The following SH3YL1 variants were observed in gnomAD, a reference collection of about 807,000 sequenced individuals.
SH3YL1 encodes the protein SH3 domain-containing YSC84-like protein 1.
SH3YL1 carries 41 observed loss-of-function variants against 45.8 expected under a neutral mutation model. The observed-to-expected ratio is 0.89, with a 90% CI of 0.70 to 1.16. The LOEUF is 1.16. SH3YL1 is among the 50% of genes most tolerant of loss of function. The probability of loss-of-function intolerance (pLI) is 0.00; values close to 1 mark genes in which losing one functional copy is unlikely to be tolerated. For missense variants in SH3YL1, 389 were observed against 409.6 expected (o/e 0.95, Z 0.43); for synonymous variants, 152 against 151.4 (o/e 1.00, Z -0.03).
intron 6 of SH3YL1, among the ~76,000 whole-genome samples, chr2:231,659 G>C (rs1668050897): frequency 1.3e-5 from 2 of 151,996 alleles, no homozygotes; most frequent in African/African-American, 4.8e-5. Context: ...TTACATGCTT[G>C]GAGGTCCTGC....
chr2:219,567 C>T (rs915058345), intron 9 of SH3YL1, among the ~76,000 whole-genome samples: 6 of 152,048 alleles, frequency 3.9e-5, no homozygotes, highest in Non-Finnish European at 8.8e-5. Context: ...CCTCCAGAAG[C>T]GTGAGAAATA....
rs1003273732 is a variant in SH3YL1 at position 240,966 on chromosome 2, C to G, written c.291+6572G>C. 2.6e-5 allele frequency: 4 copies of G among 152,124 alleles called. 1 individual carries two copies. The highest frequency in any genetic ancestry group is 2.0e-4 in the Admixed American group (3 of 15,276). 9.4% of individuals were successfully genotyped at this position (152,124 alleles called of 1,614,324 possible). ...TGATACAATATAATATCTAAAATTT[C>G]TGATTCTCAACCAAAAATAATAAGA... On this transcript the variant is annotated intron_variant, in intron 4 of 9. Transcript: ENST00000356150.
chr2:219,203 A>C (rs947386154), intron 9 of SH3YL1, among the ~76,000 whole-genome samples: 1 of 152,188 alleles, frequency 6.6e-6, no homozygotes, highest in African/African-American at 2.4e-5. Flanking sequence ...GATTTAGCAC[A>C]TGCTTCTGGT....
intron 4 of SH3YL1, among the ~76,000 whole-genome samples, chr2:239,337 T>C (rs1461752109): frequency 6.6e-6 from 1 of 152,186 alleles, no homozygotes; most frequent in Non-Finnish European, 1.5e-5. Flanking sequence ...AAGGTGGTAC[T>C]CCAATCCCTT....
At chr2:237,175 T>A (rs1304481285) in intron 4 of SH3YL1, among the ~76,000 whole-genome samples, 1 of 151,954 alleles carries the variant, frequency 6.6e-6, no homozygotes, top group Non-Finnish European at 1.5e-5. Flanking sequence ...ACCCATGACC[T>A]TGTAGCTACA....
intron 9 of SH3YL1, among the ~76,000 whole-genome samples, chr2:221,943 T>C (rs574994869): frequency 6.6e-6 from 1 of 152,262 alleles, no homozygotes; most frequent in East Asian, 1.9e-4. Flanking sequence ...TTAGAGATAA[T>C]TTTCACAAGG....
intron 4 of SH3YL1, among the ~76,000 whole-genome samples, chr2:238,652 G>A (rs1353178764): frequency 6.6e-6 from 1 of 152,160 alleles, no homozygotes; most frequent in Non-Finnish European, 1.5e-5. Context: ...AGCCAAGCCA[G>A]CAGCAGGACT....
chr2:218,816 T>A lies in SH3YL1; in HGVS notation c.1024A>T (p.Asn342Tyr). Residue 342 changes from asparagine to tyrosine, a missense_variant, in exon 10 of 10, where the codon AAT becomes TAT. Asn to Tyr is a moderately radical substitution (Grantham distance 143, BLOSUM62 -2). Coordinates refer to ENST00000356150, the MANE Select transcript of SH3YL1 (RefSeq NM_015677.4). Reference protein sequence around the residue: ...GIFPANYVTMN With the variant: ...GIFPANYVTMY ...AGAAGAAAATAGTATACGCTTTAAT[T>A]CATGGTTACGTAGTTGGCTGGAAAA... The A allele has an allele frequency of 6.2e-7, 1 of 1,610,102 alleles. No individual in the cohort carries two copies. Among genetic ancestry groups the A allele is most frequent in the Non-Finnish European group, 8.5e-7 (1 of 1,177,598 alleles).
At chr2:225,301 T>C (rs888070863) in intron 8 of SH3YL1, among the ~76,000 whole-genome samples, 1 of 152,272 alleles carries the variant, frequency 6.6e-6, no homozygotes, top group Non-Finnish European at 1.5e-5. Flanking sequence ...CATTTCACAC[T>C]GGATTCCCGT....
intron 1 of SH3YL1, chr2:259,447 T>TC (rs1558255467): frequency 6.6e-6 from 1 of 152,144 alleles, no homozygotes; most frequent in Non-Finnish European, 1.5e-5. Context: ...TGCTTTTTTT[T>TC]CTGTTTTTTC....
intron 9 of SH3YL1, among the ~76,000 whole-genome samples, chr2:223,135 C>T (rs879450425): frequency 4.6e-5 from 7 of 152,252 alleles, no homozygotes; most frequent in African/African-American, 1.7e-4. Flanking sequence ...ACAGAAGCAA[C>T]GGAGAAACCA....
At chr2:230,153 C>T in intron 7 of SH3YL1, 109 bp from the exon 8 acceptor site, 2 of 722,884 alleles carry the variant, frequency 2.8e-6, no homozygotes, top group Non-Finnish European at 4.6e-6. Flanking sequence ...ATCATGTGTG[C>T]TTATTAATGT....
chr2:234,599 G>A (rs1020029623), intron 4 of SH3YL1, among the ~76,000 whole-genome samples: 2 of 152,160 alleles, frequency 1.3e-5, no homozygotes, highest in Non-Finnish European at 2.9e-5. Flanking sequence ...TAGGTAAACC[G>A]TCAGTGCTAA....
At chr2:255,108 G>A (rs1167350683) in intron 1 of SH3YL1, among the ~76,000 whole-genome samples, 2 of 152,182 alleles carry the variant, frequency 1.3e-5, no homozygotes. Context: ...GTCATGGGCT[G>A]TCCTTAACCT....
At chr2:227,140 G>A (rs1223577706) in intron 8 of SH3YL1, among the ~76,000 whole-genome samples, 1 of 152,060 alleles carries the variant, frequency 6.6e-6, no homozygotes, top group Non-Finnish European at 1.5e-5. Context: ...AGTATATATG[G>A]TTAGGATTGT....
intron 4 of SH3YL1, among the ~76,000 whole-genome samples, chr2:244,962 C>T (rs760038590): frequency 3.3e-5 from 5 of 152,016 alleles, no homozygotes; most frequent in Non-Finnish European, 7.4e-5. Flanking sequence ...CCAGCCCCTC[C>T]GTGGTCTCAG....
intron 1 of SH3YL1, chr2:255,908 G>A (rs1669300919): frequency 6.6e-6 from 1 of 152,164 alleles, no homozygotes; most frequent in Non-Finnish European, 1.5e-5. Flanking sequence ...TTTAATCAAT[G>A]TTATCTCAGA....
At chr2:249,330 T>C (rs1377650117) in intron 3 of SH3YL1, among the ~76,000 whole-genome samples, 1 of 152,118 alleles carries the variant, frequency 6.6e-6, no homozygotes, top group Non-Finnish European at 1.5e-5. Context: ...ACAAAGAAAT[T>C]CACATATGGC....
At chr2:257,634 C>T (rs182844470) in intron 1 of SH3YL1, among the ~76,000 whole-genome samples, 141 of 152,270 alleles carry the variant, frequency 9.3e-4, no homozygotes, top group Non-Finnish European at 1.6e-3. Flanking sequence ...GATTTCTGTA[C>T]GTCACTTCCC....
Sources: gnomAD v4.1 joint callset for allele counts (sites outside exome capture counted in the v4.1 genomes callset) on GRCh38, gnomAD v4.1.1 for gene constraint, MANE v1.5 for transcripts, NCBI Gene and HGNC (gene_info 2026-07-23, HGNC 2026-07-21) for gene names.